TRAM2: variants seen among roughly 807,000 people sequenced by gnomAD.
TRAM2 encodes the protein translocation associated membrane protein 2, also known as translocating chain-associated membrane protein 2.
In TRAM2, 12 loss-of-function variants were observed where a neutral mutation model predicts 51.0. That is an observed-to-expected ratio of 0.24 (90% CI 0.15 to 0.38). The LOEUF (loss-of-function observed/expected upper bound fraction) is 0.38, where lower values mean the gene tolerates loss of function less well. Among genes scored for constraint, TRAM2 ranks in the 10% least tolerant of loss-of-function variants. The probability of loss-of-function intolerance (pLI) is 1.00; values close to 1 mark genes in which losing one functional copy is unlikely to be tolerated. For synonymous variants in TRAM2, 175 were observed against 179.4 expected (o/e 0.98, Z 0.20); for missense variants, 361 against 462.0 (o/e 0.78, Z 2.00).
chr6:52,521,484 G>A (rs1766672039), intron 2 of TRAM2, among the ~76,000 whole-genome samples: 1 of 151,638 alleles, frequency 6.6e-6, no homozygotes, highest in African/African-American at 2.4e-5. Flanking sequence ...AAGAGATCAG[G>A]AGCTCGAGAC....
intron 2 of TRAM2, among the ~76,000 whole-genome samples, chr6:52,522,686 G>A (rs567189951): frequency 6.6e-6 from 1 of 152,258 alleles, no homozygotes; most frequent in South Asian, 2.1e-4. Flanking sequence ...TACTGTAGTG[G>A]GTTATCCCAC....
chr6:52,576,935 C>T lies in TRAM2; in HGVS notation c.-20G>A, dbSNP rs750699493. On this transcript the variant is annotated 5_prime_UTR_variant, in exon 1 of 11. Transcript: ENST00000182527. The stretch of plus-strand genomic sequence containing the variant: ...AGCCATGGCAGCGGGCGCGCAGCGG[C>T]CGGCGGGGCCCGCACCCTGCGCTCA... 1.3e-6 allele frequency: 2 copies of T among 1,596,808 alleles called. No individual in the cohort carries two copies. The highest frequency in any genetic ancestry group is 4.5e-5 in the East Asian group (2 of 44,414).
rs201750595 is a variant in TRAM2, at chr6:52,503,317, T to A, written c.1040-47A>T. ...GCATACATGGTGTTTCTGCTGGAGCTAAGGCAGAAGAGGGGAGGGTGGGGC... is the reference window on the plus strand; with the variant it reads ...GCATACATGGTGTTTCTGCTGGAGCAAAGGCAGAAGAGGGGAGGGTGGGGC... On this transcript the variant is annotated intron_variant, in intron 10 of 10. Coordinates refer to ENST00000182527, the MANE Select transcript of TRAM2 (RefSeq NM_012288.4). 2,564 of 1,572,226 alleles carry A rather than the reference T, an allele frequency of 1.6e-3. 3 individuals are homozygous for A. The highest frequency in any genetic ancestry group is 2.0e-3 in the Non-Finnish European group (2,297 of 1,142,074).
rs955838114 is a variant in TRAM2, at chr6:52,499,133, T to TTGACAA, written c.*4063_*4064insTTGTCA. The TTGACAA allele has an allele frequency of 2.0e-5, 3 of 152,138 alleles. No individual in the cohort carries two copies. The highest frequency in any genetic ancestry group is 7.2e-5 in the African/African-American group (3 of 41,430). The allele number at this position is 152,138 out of a possible 1,614,324, so 9.4% of individuals were successfully genotyped here. The stretch of plus-strand genomic sequence containing the variant: ...GAGAAGTTGGTAAAGTCTTCCTCAC[T>TTGACAA]GGGACAACCTTGAGCTGGAGAGAGA... On this transcript the variant is annotated 3_prime_UTR_variant, in exon 11 of 11. Transcript: ENST00000182527.
At chr6:52,538,739 T>C (rs973631544) in intron 1 of TRAM2, among the ~76,000 whole-genome samples, 19 of 152,224 alleles carry the variant, frequency 1.2e-4, no homozygotes, top group African/African-American at 4.3e-4. Context: ...TGAGAACTTT[T>C]GCATTTTTTT....
intron 1 of TRAM2, among the ~76,000 whole-genome samples, chr6:52,564,993 G>A (rs927552761): frequency 1.3e-5 from 2 of 151,944 alleles, no homozygotes; most frequent in East Asian, 3.9e-4. Flanking sequence ...TGAAGGAGGA[G>A]GGAATGTTCA....
intron 2 of TRAM2, among the ~76,000 whole-genome samples, chr6:52,517,739 C>G (rs895290066): frequency 1.3e-5 from 2 of 152,234 alleles, no homozygotes; most frequent in Admixed American, 1.3e-4. Context: ...GTCACACACA[C>G]ATGAGTCATC....
In TRAM2 at chr6:52,576,935, C is replaced by G; in HGVS notation, c.-20G>C. ...AGCCATGGCAGCGGGCGCGCAGCGG[C>G]CGGCGGGGCCCGCACCCTGCGCTCA... On this transcript the variant is annotated 5_prime_UTR_variant, in exon 1 of 11. Transcript: ENST00000182527. 1 of 1,596,926 alleles carries G rather than the reference C, an allele frequency of 6.3e-7. No homozygotes were observed. Among genetic ancestry groups the G allele is most frequent in the Non-Finnish European group, 8.5e-7 (1 of 1,172,912 alleles).
intron 1 of TRAM2, among the ~76,000 whole-genome samples, chr6:52,542,280 A>ATTT (rs1247920817): frequency 3.2e-5 from 4 of 125,706 alleles, no homozygotes; most frequent in Admixed American, 1.0e-4. Context: ...TTTTTTTAAA[A>ATTT]AAAATAGTCT....
rs1562492933 is a variant in TRAM2, at chr6:52,576,998, C to A, written c.-83G>T. 3 of 1,325,016 alleles carry A rather than the reference C, an allele frequency of 2.3e-6. No homozygotes were observed. The highest frequency in any genetic ancestry group is 1.9e-5 in the South Asian group (1 of 51,884). 82.1% of individuals were successfully genotyped at this position (1,325,016 alleles called of 1,614,324 possible). On this transcript the variant is annotated 5_prime_UTR_variant, in exon 1 of 11. Coordinates refer to ENST00000182527, the MANE Select transcript of TRAM2 (RefSeq NM_012288.4). ...CAAACTTCTCCAGCACCGGCCCGGTCCGCCCGCCGGCCCGCCGCCCGCTCT... is the reference window on the plus strand; with the variant it reads ...CAAACTTCTCCAGCACCGGCCCGGTACGCCCGCCGGCCCGCCGCCCGCTCT...
intron 1 of TRAM2, among the ~76,000 whole-genome samples, chr6:52,570,232 C>G (rs1767653925): frequency 6.6e-6 from 1 of 152,174 alleles, no homozygotes; most frequent in Non-Finnish European, 1.5e-5. Context: ...AGTAACTTTA[C>G]TAGCAGGTAA....
chr6:52,549,773 G>A (rs1767276944), intron 1 of TRAM2, among the ~76,000 whole-genome samples: 1 of 152,156 alleles, frequency 6.6e-6, no homozygotes. Flanking sequence ...AGATGGAAGT[G>A]GAAGCATTTA....
intron 2 of TRAM2, among the ~76,000 whole-genome samples, chr6:52,532,348 TTGAC>T: frequency 6.6e-6 from 1 of 152,286 alleles, no homozygotes; most frequent in East Asian, 1.9e-4. Context: ...CCCCTGTAAG[TTGAC>T]TTCAGGGAGA....
At chr6:52,547,385 C>G (rs1767223669) in intron 1 of TRAM2, among the ~76,000 whole-genome samples, 1 of 152,184 alleles carries the variant, frequency 6.6e-6, no homozygotes, top group Non-Finnish European at 1.5e-5. Context: ...CACGCCCTTT[C>G]TCAGTTCCCC....
chr6:52,511,074 A>T (rs949848966), intron 4 of TRAM2, among the ~76,000 whole-genome samples: 2 of 152,122 alleles, frequency 1.3e-5, no homozygotes, highest in African/African-American at 4.8e-5. Flanking sequence ...ATGAAAAAAC[A>T]GATAGGAAGG....
chr6:52,514,397 C>T (rs1403206967), intron 4 of TRAM2, among the ~76,000 whole-genome samples: 1 of 152,038 alleles, frequency 6.6e-6, no homozygotes, highest in Non-Finnish European at 1.5e-5. Flanking sequence ...TGGCGGGGGT[C>T]GGGGGTCACT....
intron 1 of TRAM2, among the ~76,000 whole-genome samples, chr6:52,573,143 C>A (rs1178665799): frequency 1.3e-5 from 2 of 152,182 alleles, no homozygotes; most frequent in Non-Finnish European, 2.9e-5. Flanking sequence ...CCTCTCTCTT[C>A]GGTGCACCCC....
intron 4 of TRAM2, among the ~76,000 whole-genome samples, chr6:52,515,640 G>A (rs1276544108): frequency 2.6e-5 from 4 of 152,118 alleles, no homozygotes; most frequent in Non-Finnish European, 1.5e-5. Context: ...CTGTAACATG[G>A]GTATCAGAAT....
intron 1 of TRAM2, among the ~76,000 whole-genome samples, chr6:52,540,165 G>A (rs1340104710): frequency 2.0e-5 from 3 of 151,640 alleles, no homozygotes; most frequent in Non-Finnish European, 2.9e-5. Context: ...CTGGTTTATA[G>A]ATGAAAAAGC....
Sources: gnomAD v4.1 joint callset for allele counts (sites outside exome capture counted in the v4.1 genomes callset) on GRCh38, gnomAD v4.1.1 for gene constraint, MANE v1.5 for transcripts, NCBI Gene and HGNC (gene_info 2026-07-23, HGNC 2026-07-21) for gene names.